ZNF385D: variants seen among roughly 807,000 people sequenced by gnomAD.
The protein encoded by ZNF385D is zinc finger protein 659.
Under a neutral mutation model 35.8 loss-of-function variants are expected in ZNF385D, and 15 were observed. That is an observed-to-expected ratio of 0.42 (90% CI 0.28 to 0.64). The LOEUF (loss-of-function observed/expected upper bound fraction) is 0.64, where lower values mean the gene tolerates loss of function less well. Ranked by LOEUF, ZNF385D falls within the 30% of genes least tolerant of loss-of-function variation. The pLI is 0.23. For missense variants in ZNF385D, 474 were observed against 494.6 expected (o/e 0.96, Z 0.39); for synonymous variants, 212 against 186.8 (o/e 1.13, Z -1.10).
chr3:21,719,539 T>C (rs989689945), intron 1 of ZNF385D, among the ~76,000 whole-genome samples: 4 of 152,172 alleles, frequency 2.6e-5, no homozygotes, highest in Non-Finnish European at 5.9e-5. Context: ...CTCATTTTAA[T>C]AGTAAAAAAA....
chr3:21,906,933 C>T (rs1300292319), intron 3 of ZNF385D, among the ~76,000 whole-genome samples: 1 of 152,160 alleles, frequency 6.6e-6, no homozygotes, highest in Non-Finnish European at 1.5e-5. Flanking sequence ...TGGAGTTCTG[C>T]TCTTCCCTGT....
chr3:21,468,477 A>T (rs1703670357), intron 4 of ZNF385D, among the ~76,000 whole-genome samples: 1 of 151,894 alleles, frequency 6.6e-6, no homozygotes, highest in Admixed American at 6.6e-5. Context: ...TCTGGAAAGC[A>T]ACCCAAATAT....
chr3:22,367,009 A>G (rs1696686904), intron 2 of ZNF385D, among the ~76,000 whole-genome samples: 1 of 152,214 alleles, frequency 6.6e-6, no homozygotes, highest in Non-Finnish European at 1.5e-5. Context: ...GCTTTTGGCC[A>G]GTGATACTAA....
chr3:22,023,785 A>G lies in ZNF385D; in HGVS notation c.325+145032T>C, dbSNP rs147722547. On this transcript the variant is annotated intron_variant, in intron 3 of 5. Coordinates refer to the ZNF385D transcript ENST00000494108. ...ATATTGCTAAAAGGTGCACTTTATTATAGTCAAAGGCCAAAAGCAAGAACT... is the reference window on the plus strand; with the variant it reads ...ATATTGCTAAAAGGTGCACTTTATTGTAGTCAAAGGCCAAAAGCAAGAACT... Among the ~76,000 whole-genome samples the G allele has an allele frequency of 2.6e-3, 392 of 152,188 alleles. 4 individuals are homozygous for G. Among genetic ancestry groups the G allele is most frequent in the African/African-American group, 8.9e-3 (371 of 41,530 alleles).
intron 2 of ZNF385D, among the ~76,000 whole-genome samples, chr3:22,198,433 T>G (rs1696565670): frequency 6.6e-6 from 1 of 152,092 alleles, no homozygotes; most frequent in South Asian, 2.1e-4. Flanking sequence ...AAGCTCTAAG[T>G]CTTTTACACA....
At chr3:22,013,494 G>A (rs1290388597) in intron 3 of ZNF385D, among the ~76,000 whole-genome samples, 1 of 152,062 alleles carries the variant, frequency 6.6e-6, no homozygotes, top group Non-Finnish European at 1.5e-5. Flanking sequence ...GGGACCTTTT[G>A]ATGTTTGATA....
intron 1 of ZNF385D, among the ~76,000 whole-genome samples, chr3:21,738,990 T>C (rs1299517408): frequency 6.6e-6 from 1 of 152,192 alleles, no homozygotes; most frequent in East Asian, 1.9e-4. Flanking sequence ...TTACCAGTGA[T>C]AATAGAAAAA....
intron 2 of ZNF385D, among the ~76,000 whole-genome samples, chr3:22,238,979 G>A (rs1170592755): frequency 1.3e-5 from 2 of 150,242 alleles, no homozygotes; most frequent in African/African-American, 2.5e-5. Context: ...CTCCTGTCTC[G>A]GCGGCCTTAA....
intron 5 of ZNF385D, among the ~76,000 whole-genome samples, chr3:21,429,853 A>C (rs1350164521): frequency 6.6e-6 from 1 of 152,160 alleles, no homozygotes; most frequent in East Asian, 1.9e-4. Context: ...CATATTGACA[A>C]GTTCAATGAT....
intron 4 of ZNF385D, among the ~76,000 whole-genome samples, chr3:21,462,581 A>C (rs989201637): frequency 1.3e-5 from 2 of 152,242 alleles, no homozygotes; most frequent in African/African-American, 2.4e-5. Context: ...TAAAAACATA[A>C]AGCAGGTTAA....
intron 3 of ZNF385D, among the ~76,000 whole-genome samples, chr3:22,039,836 T>G (rs539646212): frequency 9.1e-4 from 139 of 152,264 alleles, no homozygotes; most frequent in African/African-American, 3.2e-3. Flanking sequence ...TCAGTACCAC[T>G]CTTCATCCTT....
At chr3:21,620,523 G>A (rs139873284) in intron 2 of ZNF385D, among the ~76,000 whole-genome samples, 2 of 152,212 alleles carry the variant, frequency 1.3e-5, no homozygotes, top group Admixed American at 1.3e-4. Context: ...AATGCAGACT[G>A]GGATTCATAC....
intron 4 of ZNF385D, among the ~76,000 whole-genome samples, chr3:21,463,832 C>T (rs1326191208): frequency 6.6e-6 from 1 of 151,950 alleles, no homozygotes; most frequent in African/African-American, 2.4e-5. Flanking sequence ...TCTAGAGTTA[C>T]ATTTTTCTTC....
intron 3 of ZNF385D, among the ~76,000 whole-genome samples, chr3:21,796,353 A>G (rs376738635): frequency 2.6e-5 from 4 of 152,314 alleles, no homozygotes; most frequent in Admixed American, 1.3e-4. Flanking sequence ...CTACAAATCA[A>G]TATCTCTCAT....
intron 3 of ZNF385D, among the ~76,000 whole-genome samples, chr3:21,879,774 G>A (rs1698180201): frequency 6.6e-6 from 1 of 151,972 alleles, no homozygotes; most frequent in Non-Finnish European, 1.5e-5. Context: ...CTTCAGCTTT[G>A]GAGGATGCAT....
chr3:22,235,340 C>T (rs1699118422), intron 2 of ZNF385D, among the ~76,000 whole-genome samples: 1 of 151,946 alleles, frequency 6.6e-6, no homozygotes. Flanking sequence ...AGTACCTGTG[C>T]ATGTGTTTGT....
At chr3:21,528,447 TG>T (rs1236849608) in intron 3 of ZNF385D, among the ~76,000 whole-genome samples, 2 of 152,146 alleles carry the variant, frequency 1.3e-5, no homozygotes, top group Non-Finnish European at 2.9e-5. Flanking sequence ...CCAGCCCTGA[TG>T]CACTAAAAAT....
chr3:22,315,555 G>C (rs1013188680), intron 2 of ZNF385D, among the ~76,000 whole-genome samples: 1 of 152,006 alleles, frequency 6.6e-6, no homozygotes, highest in Non-Finnish European at 1.5e-5. Context: ...GCATGGCTGG[G>C]GAAAACATAA....
chr3:21,624,395 C>T (rs978564076), intron 2 of ZNF385D, among the ~76,000 whole-genome samples: 1 of 151,858 alleles, frequency 6.6e-6, no homozygotes, highest in Non-Finnish European at 1.5e-5. Flanking sequence ...ATTTTTTTCC[C>T]CATAAAGCAC....
Sources: gnomAD v4.1 joint callset for allele counts (sites outside exome capture counted in the v4.1 genomes callset) on GRCh38, gnomAD v4.1.1 for gene constraint, MANE v1.5 for transcripts, NCBI Gene and HGNC (gene_info 2026-07-23, HGNC 2026-07-21) for gene names.